ZNF730: variants seen among roughly 807,000 people sequenced by gnomAD.
The protein encoded by ZNF730 is zinc finger protein 730.
In ZNF730, 12 loss-of-function variants were observed where a neutral mutation model predicts 12.6. The ratio of observed to expected loss-of-function variants is 0.95; its 90% CI spans 0.61 to 1.54. The LOEUF is 1.54. Among genes scored for constraint, ZNF730 ranks in the 40% most tolerant of loss-of-function variants. The pLI is 0.00. For missense variants in ZNF730, 643 were observed against 583.5 expected, an observed-to-expected ratio of 1.10 and a Z score of -1.05; for synonymous variants, 194 against 195.8, an observed-to-expected ratio of 0.99 and a Z score of 0.08.
chr19:23,094,084 G>A (rs898560097), intron 1 of ZNF730, among the ~76,000 whole-genome samples: 2 of 152,102 alleles, frequency 1.3e-5, no homozygotes, highest in Non-Finnish European at 2.9e-5. Context: ...CAGGCTTACC[G>A]AGGCGATCCT....
intron 1 of ZNF730, among the ~76,000 whole-genome samples, chr19:23,078,645 G>A (rs1266502293): frequency 2.0e-5 from 3 of 152,088 alleles, no homozygotes; most frequent in South Asian, 2.1e-4. Flanking sequence ...CATGCTGAGC[G>A]CCGCCCCTGG....
intron 1 of ZNF730, among the ~76,000 whole-genome samples, chr19:23,103,307 A>G (rs1970356517): frequency 1.3e-5 from 2 of 152,230 alleles, no homozygotes; most frequent in South Asian, 2.1e-4. Context: ...GTGTGGTTAT[A>G]TTGACTAAAT....
chr19:23,105,023 A>G (rs1970376371), intron 1 of ZNF730, among the ~76,000 whole-genome samples: 1 of 152,162 alleles, frequency 6.6e-6, no homozygotes, highest in Admixed American at 6.6e-5. Context: ...ATGTAGAGAT[A>G]GTCATTTTTG....
chr19:23,113,619 C>T (rs527831173), upstream of ZNF730, among the ~76,000 whole-genome samples: 196 of 152,274 alleles, frequency 1.3e-3, no homozygotes, highest in Non-Finnish European at 1.7e-3. Context: ...CAAAATCAAA[C>T]TGAAAATTTA....
intron 1 of ZNF730, among the ~76,000 whole-genome samples, chr19:23,102,486 TTTTTA>T (rs1298246804): frequency 6.6e-6 from 1 of 151,922 alleles, no homozygotes; most frequent in Non-Finnish European, 1.5e-5. Context: ...CCTTTTTTTT[TTTTTA>T]TTTTATTTAT....
chr19:23,077,340 C>G (rs1160831584), intron 1 of ZNF730, among the ~76,000 whole-genome samples: 1 of 150,960 alleles, frequency 6.6e-6, no homozygotes, highest in East Asian at 2.0e-4. Context: ...AGGTGATCTG[C>G]CCGCCTTGGC....
Position 23,097,307 on chromosome 19 carries a change from A to G in ZNF730, c.-94+21920A>G, listed in dbSNP as rs543046775. Among the ~76,000 whole-genome samples, 227 of 152,218 alleles carry G rather than the reference A, an allele frequency of 1.5e-3. 1 individual carries two copies. Among genetic ancestry groups the G allele is most frequent in the African/African-American group, 5.2e-3 (216 of 41,550 alleles). ...CTGCCTGGACGCTGTCACAGGGGAC[A>G]TTGTGACATATCTCTGTGTCCATCA... On this transcript the variant is annotated intron_variant, in intron 1 of 2. Coordinates refer to the ZNF730 transcript ENST00000593635.
intron 1 of ZNF730, among the ~76,000 whole-genome samples, chr19:23,100,704 G>A (rs1970326830): frequency 1.4e-5 from 2 of 138,072 alleles, no homozygotes; most frequent in Admixed American, 7.5e-5. Flanking sequence ...CACCCAGGCT[G>A]GAGTGCAGTG....
intron 1 of ZNF730, chr19:23,098,319 A>G (rs1050477176): frequency 1.3e-5 from 2 of 152,132 alleles, no homozygotes; most frequent in African/African-American, 4.8e-5. Flanking sequence ...ATTAGGACAT[A>G]TATTTTTCTT....
chr19:23,140,568 G>C (rs1018365518), intron 3 of ZNF730, among the ~76,000 whole-genome samples: 14 of 145,274 alleles, frequency 9.6e-5, no homozygotes, highest in Non-Finnish European at 1.8e-4. Context: ...CCAAAGTAGC[G>C]CCACTGCACT....
chr19:23,128,615 T>A (rs12980266), intron 1 of ZNF730: 94,707 of 168,770 alleles, frequency 0.56, 29,474 homozygotes, highest in East Asian at 0.73. Flanking sequence ...TTTAAAAAAA[T>A]TAAATTTATA....
At chr19:23,140,118 G>C (rs1970893181) in intron 3 of ZNF730, among the ~76,000 whole-genome samples, 2 of 151,584 alleles carry the variant, frequency 1.3e-5, no homozygotes, top group South Asian at 4.2e-4. Flanking sequence ...CCCTACTTTG[G>C]TTATGGCACA....
chr19:23,091,000 CAA>C (rs145906466), intron 1 of ZNF730, among the ~76,000 whole-genome samples: 16 of 125,544 alleles, frequency 1.3e-4, no homozygotes, highest in Non-Finnish European at 1.0e-4. Context: ...GACTTCGTCT[CAA>C]AAAAAAAAAA....
rs1970994939 is a variant in ZNF730 at position 23,145,692 on chromosome 19, T to C, written c.648T>C (p.Cys216=). The change falls in exon 4 of 4, where the codon TGT becomes TGC. Residue 216 remains cysteine, a synonymous_variant. Transcript: ENST00000597761. ...YGKAFNESSN[C]TTHKRITEKK... is the part of the protein sequence containing the mutation. Reference sequence around the variant, plus strand: ...AAGCCTTTAATGAGTCCTCAAACTGTACTACACATAAAAGAATTACTGAGA... The same window carrying C: ...AAGCCTTTAATGAGTCCTCAAACTGCACTACACATAAAAGAATTACTGAGA... The C allele has an allele frequency of 6.4e-7, 1 of 1,556,134 alleles. No homozygotes were observed. Among genetic ancestry groups the C allele is most frequent in the African/African-American group, 1.4e-5 (1 of 73,216 alleles).
At chr19:23,135,887 GC>G in intron 2 of ZNF730, 60 bp from the exon 3 acceptor site, 2 of 1,395,986 alleles carry the variant, frequency 1.4e-6, no homozygotes, top group Non-Finnish European at 2.0e-6. Context: ...TTTACTGAGA[GC>G]ATTACTAAGT....
At chr19:23,115,719 C>A (rs550362501), upstream of ZNF730, among the ~76,000 whole-genome samples, 2 of 143,852 alleles carry the variant, frequency 1.4e-5, no homozygotes, top group East Asian at 4.2e-4. Context: ...CCCCCAGAAG[C>A]ACAGCTTCCT....
intron 1 of ZNF730, among the ~76,000 whole-genome samples, chr19:23,107,467 A>AC (rs1970408247): frequency 6.7e-6 from 1 of 149,172 alleles, no homozygotes; most frequent in Non-Finnish European, 1.5e-5. Context: ...AAAAAAAAAA[A>AC]AAAAAAAACC....
intron 3 of ZNF730, among the ~76,000 whole-genome samples, chr19:23,136,731 CCTG>C (rs1432242708): frequency 2.0e-5 from 3 of 150,684 alleles, no homozygotes; most frequent in Non-Finnish European, 4.4e-5. Flanking sequence ...ATGATGTCCT[CCTG>C]CTTTTTTTTT....
At chr19:23,114,487 ATTTATT>A (rs1021989917), upstream of ZNF730, among the ~76,000 whole-genome samples, 4 of 132,536 alleles carry the variant, frequency 3.0e-5, no homozygotes, top group African/African-American at 1.0e-4. Flanking sequence ...TTTTATTTTT[ATTTATT>A]TTTATTTTTA....
Sources: allele counts gnomAD v4.1 joint callset (sites outside exome capture counted in the v4.1 genomes callset), GRCh38; gene constraint gnomAD v4.1.1; transcripts MANE v1.5; gene names NCBI Gene and HGNC (gene_info 2026-07-23, HGNC 2026-07-21).